EPB41: variants seen among roughly 807,000 people sequenced by gnomAD.
The protein encoded by EPB41 is erythrocyte membrane protein band 4.1, also known as protein 4.1.
A neutral mutation model predicts 108.0 loss-of-function variants in EPB41; 65 were observed. The observed-to-expected ratio is 0.60, with a 90% CI of 0.49 to 0.74. The LOEUF is 0.74. Ranked by LOEUF, EPB41 falls within the 30% of genes least tolerant of loss-of-function variation. The probability of loss-of-function intolerance (pLI) is 0.00; values close to 1 mark genes in which losing one functional copy is unlikely to be tolerated. For synonymous variants in EPB41, 336 were observed against 358.9 expected (o/e 0.94, Z 0.72); for missense variants, 875 against 1,037.0 (o/e 0.84, Z 2.15).
intron 19 of EPB41, among the ~76,000 whole-genome samples, chr1:29,114,446 C>T (rs1261066178): frequency 6.6e-6 from 1 of 152,056 alleles, no homozygotes. Context: ...AGTTCGAGAC[C>T]AGCCTGGCCA....
In EPB41 at chr1:29,064,965, T is replaced by A; in HGVS notation, c.2008-17T>A. The A allele has an allele frequency of 6.2e-7, 1 of 1,613,780 alleles. No individual in the cohort carries two copies. The highest frequency in any genetic ancestry group is 8.5e-7 in the Non-Finnish European group (1 of 1,179,970). On this transcript the variant is annotated splice_polypyrimidine_tract_variant and intron_variant, in intron 15 of 20. Coordinates refer to ENST00000343067, the MANE Select transcript of EPB41 (RefSeq NM_001376013.1). ...CTGATTGTGTATTGTTTTGCATCTT[T>A]GTCCTTTCAACTGTAGGATTTAGAC...
At chr1:28,951,361 TACACACACACAC>T (rs58546363) in intron 1 of EPB41, among the ~76,000 whole-genome samples, 23 of 143,038 alleles carry the variant, frequency 1.6e-4, no homozygotes, top group South Asian at 4.5e-4. Context: ...CCCTGTGTCT[TACACACACACAC>T]ACACACACAC....
intron 5 of EPB41, among the ~76,000 whole-genome samples, chr1:29,014,278 T>C (rs2096548508): frequency 6.6e-6 from 1 of 151,826 alleles, no homozygotes; most frequent in South Asian, 2.1e-4. Flanking sequence ...GATCATGCCA[T>C]TGCACTCCAA....
At chr1:29,045,625 G>A (rs1172112305) in intron 11 of EPB41, among the ~76,000 whole-genome samples, 1 of 149,314 alleles carries the variant, frequency 6.7e-6, no homozygotes, top group African/African-American at 2.5e-5. Flanking sequence ...AAAGTGCTAG[G>A]ATTACAAGAG....
chr1:28,921,961 T>TATATATATATATATATACAC (rs770764638), intron 1 of EPB41, among the ~76,000 whole-genome samples: 5 of 109,934 alleles, frequency 4.5e-5, no homozygotes, highest in East Asian at 7.7e-4. Context: ...TATATATATA[T>TATATATATATATATATACAC]ACACTTTTTT....
At chr1:29,111,890 T>C (rs1669284331) in intron 18 of EPB41, among the ~76,000 whole-genome samples, 1 of 151,102 alleles carries the variant, frequency 6.6e-6, no homozygotes, top group Non-Finnish European at 1.5e-5. Flanking sequence ...GGCAGGAGAA[T>C]TGCTTGAACC....
intron 2 of EPB41, among the ~76,000 whole-genome samples, chr1:28,989,085 C>T (rs1226254524): frequency 6.6e-6 from 1 of 152,176 alleles, no homozygotes; most frequent in Admixed American, 6.5e-5. Context: ...GTGATGAATT[C>T]AAGCCCTTTG....
chr1:28,929,828 C>CCGACCAATGACTTTGTAATATTTTCAA (rs2093644683), intron 1 of EPB41, among the ~76,000 whole-genome samples: 1 of 149,572 alleles, frequency 6.7e-6, no homozygotes, highest in Non-Finnish European at 1.5e-5. Flanking sequence ...GCCACCGCGC[C>CCGACCAATGACTTTGTAATATTTTCAA]TGGCACTGGG....
chr1:29,004,333 C>T (rs1466655223), intron 4 of EPB41, among the ~76,000 whole-genome samples: 1 of 152,072 alleles, frequency 6.6e-6, no homozygotes, highest in African/African-American at 2.4e-5. Flanking sequence ...TGTCTTTTTC[C>T]ATCCATTTTC....
intron 16 of EPB41, among the ~76,000 whole-genome samples, chr1:29,092,993 G>C (rs1661858747): frequency 6.6e-6 from 1 of 152,162 alleles, no homozygotes; most frequent in African/African-American, 2.4e-5. Context: ...TTGTCATTGT[G>C]AATAGTGCTA....
At chr1:28,963,344 CGTGTGTGTGTGTGTGT>C (rs57558766) in intron 1 of EPB41, among the ~76,000 whole-genome samples, 68 of 146,318 alleles carry the variant, frequency 4.6e-4, no homozygotes, top group African/African-American at 1.6e-3. Context: ...AAATCAGAAT[CGTGTGTGTGTGTGTGT>C]GTGTGTGTGT....
chr1:29,109,736 T>G (rs1033218131), intron 18 of EPB41: 2 of 422,654 alleles, frequency 4.7e-6, no homozygotes, highest in East Asian at 1.0e-4. Context: ...TGGAAGTAAG[T>G]TTAAAAAGTC....
At chr1:28,921,996 G>A (rs1334435019) in intron 1 of EPB41, among the ~76,000 whole-genome samples, 36 of 100,264 alleles carry the variant, frequency 3.6e-4, no homozygotes, top group Admixed American at 2.1e-3. Context: ...TTGAGACGGA[G>A]TCTCTCTCTG....
rs983083328 is a variant in EPB41, at chr1:29,018,972, C to T, written c.1124+530C>T. Among the ~76,000 whole-genome samples the T allele has an allele frequency of 6.6e-6, 1 of 152,160 alleles. No homozygotes were observed. The highest frequency in any genetic ancestry group is 2.1e-4 in the South Asian group (1 of 4,826). ...TCAAGTGATCAAGAACAAGAGTTTA[C>T]AGTCAGTCTGAGCTGGGTTGAAATC... On this transcript the variant is annotated intron_variant, in intron 7 of 20. Transcript: ENST00000343067. This position sits in a 1 kb window ranked among gnomAD's most constrained non-coding sequence, Gnocchi z 4.4.
intron 9 of EPB41, among the ~76,000 whole-genome samples, chr1:29,034,077 A>G (rs1221206866): frequency 6.6e-6 from 1 of 152,192 alleles, no homozygotes; most frequent in Non-Finnish European, 1.5e-5. Flanking sequence ...TTGTGCCTGC[A>G]AATTCTGGAT....
At chr1:29,022,195 G>T (rs1449249343) in intron 7 of EPB41, among the ~76,000 whole-genome samples, 4 of 151,904 alleles carry the variant, frequency 2.6e-5, no homozygotes, top group Admixed American at 1.3e-4. Context: ...ATAACTTGGT[G>T]AACAAGTATT....
chr1:29,019,857 A>C (rs970003988), intron 7 of EPB41, among the ~76,000 whole-genome samples: 1 of 152,120 alleles, frequency 6.6e-6, no homozygotes, highest in African/African-American at 2.4e-5. Context: ...TAAGGACTTT[A>C]AAGTCTACAA....
At chr1:28,901,749 G>A (rs1354970555) in intron 1 of EPB41, among the ~76,000 whole-genome samples, 1 of 151,876 alleles carries the variant, frequency 6.6e-6, no homozygotes. Context: ...GACCAGGCTG[G>A]TCTCGAACTC....
chr1:29,048,765 C>CT (rs1643975872), intron 11 of EPB41, among the ~76,000 whole-genome samples: 1 of 152,084 alleles, frequency 6.6e-6, no homozygotes, highest in Non-Finnish European at 1.5e-5. Flanking sequence ...TCCTTGAGCA[C>CT]TTAGTATGTT....
Sources: allele counts gnomAD v4.1 joint callset (sites outside exome capture counted in the v4.1 genomes callset), GRCh38; gene constraint gnomAD v4.1.1; non-coding constraint Gnocchi (gnomAD v3.1); transcripts MANE v1.5; gene names NCBI Gene and HGNC (gene_info 2026-07-23, HGNC 2026-07-21).